Variants in KSR1 observed in about 807,000 individuals in gnomAD.
The protein encoded by KSR1 is kinase suppressor of ras.
In KSR1, 35 loss-of-function variants were observed where a neutral mutation model predicts 92.9. That is an observed-to-expected ratio of 0.38 (90% CI 0.29 to 0.50). The LOEUF is 0.50. KSR1 is among the 20% of genes least tolerant of loss of function. KSR1 has a pLI of 0.94. For synonymous variants in KSR1, 467 were observed against 472.6 expected (o/e 0.99, Z 0.15); for missense variants, 972 against 1,158.5 (o/e 0.84, Z 2.34).
intron 1 of KSR1, among the ~76,000 whole-genome samples, chr17:27,541,897 G>T (rs958214551): frequency 6.6e-6 from 1 of 152,246 alleles, no homozygotes; most frequent in Non-Finnish European, 1.5e-5. Flanking sequence ...AGGCATGCAG[G>T]TGAGCATCCC....
intron 5 of KSR1, chr17:27,587,032 A>G (rs1277055910): frequency 6.6e-6 from 1 of 152,064 alleles, no homozygotes; most frequent in Non-Finnish European, 1.5e-5. Flanking sequence ...GCCACCACAC[A>G]TGGCTAATTT....
chr17:27,488,386 A>G (rs973185031), intron 1 of KSR1, among the ~76,000 whole-genome samples: 1 of 151,512 alleles, frequency 6.6e-6, no homozygotes, highest in African/African-American at 2.4e-5. Context: ...AGCTGATAAC[A>G]TTTCCTCTAT....
intron 11 of KSR1, among the ~76,000 whole-genome samples, chr17:27,603,312 TG>T (rs974956613): frequency 1.3e-5 from 2 of 152,226 alleles, no homozygotes; most frequent in Admixed American, 6.5e-5. Flanking sequence ...GCCTCTGTGC[TG>T]GAAATTCCCA....
intron 9 of KSR1, among the ~76,000 whole-genome samples, chr17:27,594,987 G>C (rs563312876): frequency 6.6e-6 from 1 of 152,196 alleles, no homozygotes; most frequent in Non-Finnish European, 1.5e-5. Context: ...GAGCCTTGGA[G>C]CATGAGTGAG....
At position 27,507,861 on chromosome 17, in the gene KSR1, TA is replaced by T. The variant is rs771270508; in HGVS notation, c.232-42706del. ...AAGTGCTGGGATTACAGGTGTGAGC[TA>T]CTGTGCCTGGCCTTTGTTTGGCTTT... On this transcript the variant is annotated intron_variant, in intron 1 of 20. Coordinates refer to ENST00000644974, the MANE Select transcript of KSR1 (RefSeq NM_001394583.1). Among the ~76,000 whole-genome samples the T allele has an allele frequency of 2.6e-5, 4 of 152,240 alleles. No individual in the cohort carries two copies. In the East Asian group the frequency reaches 7.7e-4, roughly 29 times the overall value.
chr17:27,530,968 A>G (rs1056083013), intron 1 of KSR1, among the ~76,000 whole-genome samples: 7 of 152,234 alleles, frequency 4.6e-5, no homozygotes, highest in African/African-American at 1.4e-4. Flanking sequence ...TGGTTTTACC[A>G]TCACCTCCTT....
intron 1 of KSR1, among the ~76,000 whole-genome samples, chr17:27,463,537 T>C (rs2019547380): frequency 6.6e-6 from 1 of 151,980 alleles, no homozygotes; most frequent in Non-Finnish European, 1.5e-5. Context: ...TCAGGAACTA[T>C]GGCTTCTAGT....
intron 1 of KSR1, among the ~76,000 whole-genome samples, chr17:27,533,105 C>T (rs950647246): frequency 7.2e-5 from 11 of 152,132 alleles, no homozygotes; most frequent in Admixed American, 1.3e-4. Flanking sequence ...TAATGTAGCC[C>T]ATGGTTAAGA....
chr17:27,526,094 T>TTCTTTCTC (rs55706224), intron 1 of KSR1, among the ~76,000 whole-genome samples: 2,225 of 118,422 alleles, frequency 0.019, 90 homozygotes, highest in Admixed American at 0.051. Context: ...CTTTCTTTCT[T>TTCTTTCTC]TCTCTCTCTC....
At chr17:27,524,211 G>C (rs1016080442) in intron 1 of KSR1, among the ~76,000 whole-genome samples, 1 of 152,058 alleles carries the variant, frequency 6.6e-6, no homozygotes, top group African/African-American at 2.4e-5. Context: ...GAAGCTAGGG[G>C]TGGGCATGTC....
At chr17:27,600,008 A>C (rs56987750) in intron 10 of KSR1, among the ~76,000 whole-genome samples, 1 of 151,560 alleles carries the variant, frequency 6.6e-6, no homozygotes. Flanking sequence ...AGTGACATAC[A>C]TGGAGCTGGC....
At chr17:27,582,334 T>C (rs758779638) in intron 3 of KSR1, among the ~76,000 whole-genome samples, 3 of 152,222 alleles carry the variant, frequency 2.0e-5, no homozygotes, top group Non-Finnish European at 4.4e-5. Context: ...AGTGCTCCCA[T>C]GAGCATTTCC....
At chr17:27,510,428 T>G (rs962759015) in intron 1 of KSR1, among the ~76,000 whole-genome samples, 1 of 152,200 alleles carries the variant, frequency 6.6e-6, no homozygotes, top group African/African-American at 2.4e-5. Context: ...GTAAAAAGGC[T>G]TGGTTGCCAA....
chr17:27,608,122 C>T, intron 15 of KSR1, 112 bp downstream of exon 15: 1 of 707,278 alleles, frequency 1.4e-6, no homozygotes, highest in Non-Finnish European at 2.5e-6. Context: ...CTTTGCCTCT[C>T]CTTCTAGCTC....
intron 1 of KSR1, among the ~76,000 whole-genome samples, chr17:27,533,425 C>T (rs1597967372): frequency 6.6e-6 from 1 of 151,294 alleles, no homozygotes; most frequent in South Asian, 2.1e-4. Flanking sequence ...CACTCTGTCA[C>T]CAGGCTGGAG....
intron 1 of KSR1, among the ~76,000 whole-genome samples, chr17:27,545,368 T>C (rs993361537): frequency 1.3e-5 from 2 of 152,246 alleles, no homozygotes; most frequent in African/African-American, 2.4e-5. Flanking sequence ...GTTTGTGTGT[T>C]CATCCTTTCA....
Position 27,597,409 on chromosome 17 carries a change from C to G in KSR1, c.1441C>G (p.Gln481Glu). ...ATTPPNPSPG[Q>E]RDSRFNFPAA... Reference sequence around the variant, plus strand: ...CACGCCCCCCAACCCCTCACCTGGCCAGCGGGACAGCAGGTTCAACTTCCC... The same window carrying G: ...CACGCCCCCCAACCCCTCACCTGGCGAGCGGGACAGCAGGTTCAACTTCCC... Residue 481 changes from glutamine (Q) to glutamate (E), a missense_variant, in exon 10 of 21, where the codon CAG becomes GAG. Gln to Glu is a conservative substitution (Grantham distance 29). Coordinates refer to ENST00000644974, the MANE Select transcript of KSR1 (RefSeq NM_001394583.1). 1 of 1,610,792 alleles carries G rather than the reference C, an allele frequency of 6.2e-7. No individual in the cohort carries two copies. The highest frequency in any genetic ancestry group is 8.5e-7 in the Non-Finnish European group (1 of 1,177,876).
At position 27,570,015 on chromosome 17, in the gene KSR1, G is replaced by T. The variant is rs376947414; in HGVS notation, c.373-7477G>T. On this transcript the variant is annotated intron_variant, in intron 2 of 20. Transcript: ENST00000644974. The stretch of plus-strand genomic sequence containing the variant: ...GAAGCTAGATATCTGGTCCCAGGCA[G>T]AGTTGAAAAGTGCCAGCCTCCTCCA... Among the ~76,000 whole-genome samples the T allele has an allele frequency of 4.3e-4, 65 of 152,334 alleles. 2 individuals carry two copies. In the East Asian group the frequency reaches 7.7e-3, roughly 18 times the overall value.
intron 1 of KSR1, among the ~76,000 whole-genome samples, chr17:27,488,595 G>T (rs2060015435): frequency 6.6e-6 from 1 of 152,180 alleles, no homozygotes; most frequent in Non-Finnish European, 1.5e-5. Context: ...ACTTTGGGAG[G>T]CCAAGACAGG....
Sources: allele counts gnomAD v4.1 joint callset (sites outside exome capture counted in the v4.1 genomes callset), GRCh38; gene constraint gnomAD v4.1.1; transcripts MANE v1.5; gene names NCBI Gene and HGNC (gene_info 2026-07-23, HGNC 2026-07-21).